CERS6: variants seen among roughly 807,000 people sequenced by gnomAD.
CERS6 encodes the protein LAG1 homolog, ceramide synthase 6.
A neutral mutation model predicts 56.8 loss-of-function variants in CERS6; 26 were observed. The observed-to-expected ratio is 0.46, with a 90% confidence interval of 0.34 to 0.63. CERS6 has a LOEUF of 0.63. CERS6 is among the 30% of genes least tolerant of loss of function. The pLI, the probability that CERS6 is intolerant of heterozygous loss-of-function variation, is 0.01. For missense variants in CERS6, 415 were observed against 467.5 expected (o/e 0.89, Z 1.04); for synonymous variants, 164 against 173.3 (o/e 0.95, Z 0.42).
At chr2:168,760,839 T>C (rs1432501773) in intron 8 of CERS6, among the ~76,000 whole-genome samples, 2 of 152,086 alleles carry the variant, frequency 1.3e-5, no homozygotes, top group Admixed American at 1.3e-4. Flanking sequence ...CACTGCAAGC[T>C]CCGCCTCCCG....
rs371715367 is a variant in CERS6, at chr2:168,695,014, C to G, written c.572C>G (p.Ser191Cys). The change falls in exon 6 of 10, where the codon TCT becomes TGT. Residue 191 changes from serine (S) to cysteine (C), a missense_variant. Coordinates refer to ENST00000305747, the MANE Select transcript of CERS6 (RefSeq NM_203463.3). ...YYILELSFYW[S>C]LMFSQFTDIK... ...ATCCTGGAGCTGTCGTTTTATTGGT[C>G]TTTGATGTTTTCTCAGTTCACTGAT... The G allele has an allele frequency of 1.9e-6, 3 of 1,613,242 alleles. No individual in the cohort carries two copies. The highest frequency in any genetic ancestry group is 2.5e-6 in the Non-Finnish European group (3 of 1,179,544).
At chr2:168,514,603 A>G (rs1485003032) in intron 1 of CERS6, among the ~76,000 whole-genome samples, 2 of 152,192 alleles carry the variant, frequency 1.3e-5, no homozygotes, top group Non-Finnish European at 2.9e-5. Context: ...TTGCTTGCCA[A>G]ATGTGCTCCT....
chr2:168,601,152 A>G (rs987712985), intron 3 of CERS6, among the ~76,000 whole-genome samples: 1 of 152,238 alleles, frequency 6.6e-6, no homozygotes, highest in African/African-American at 2.4e-5. Flanking sequence ...ACCATTTCAC[A>G]AAAGTAGATA....
chr2:168,661,284 A>T (rs1220895304), intron 4 of CERS6, among the ~76,000 whole-genome samples: 1 of 152,258 alleles, frequency 6.6e-6, no homozygotes, highest in Admixed American at 6.5e-5. Flanking sequence ...AAATGGAATG[A>T]AGATTAGGAA....
At chr2:168,657,147 G>C (rs1289040541) in intron 4 of CERS6, among the ~76,000 whole-genome samples, 3 of 152,120 alleles carry the variant, frequency 2.0e-5, no homozygotes, top group Non-Finnish European at 2.9e-5. Flanking sequence ...GATTGGTGCA[G>C]TCACAAACCT....
chr2:168,641,982 G>A (rs4313942), intron 4 of CERS6, among the ~76,000 whole-genome samples: 45,020 of 151,812 alleles, frequency 0.3, 8,203 homozygotes, highest in African/African-American at 0.5. Context: ...AATCAAGTAT[G>A]GTATAGTAAT....
intron 1 of CERS6, among the ~76,000 whole-genome samples, chr2:168,489,712 G>A (rs1694335245): frequency 6.6e-6 from 1 of 151,872 alleles, no homozygotes; most frequent in Admixed American, 6.6e-5. Context: ...TCCACAATAT[G>A]CACTTGTTTT....
At chr2:168,491,953 C>G (rs1021972679) in intron 1 of CERS6, among the ~76,000 whole-genome samples, 2 of 152,154 alleles carry the variant, frequency 1.3e-5, no homozygotes, top group African/African-American at 4.8e-5. Context: ...ATGAACTTAT[C>G]CTTTTTTATG....
In CERS6 at chr2:168,771,575, A is replaced by C. The variant is rs1432186247; in HGVS notation, c.*1913A>C. The C allele has an allele frequency of 2.6e-5, 4 of 152,252 alleles. No individual in the cohort carries two copies. Among genetic ancestry groups the C allele is most frequent in the African/African-American group, 9.6e-5 (4 of 41,476 alleles). The allele number at this position is 152,252 out of a possible 1,614,324, so 9.4% of individuals were successfully genotyped here. A position where few individuals can be genotyped will look rare whatever the true frequency, so the allele number is the denominator to read the frequency against. On this transcript the variant is annotated 3_prime_UTR_variant, in exon 10 of 10. Coordinates refer to ENST00000305747, the MANE Select transcript of CERS6 (RefSeq NM_203463.3). The stretch of plus-strand genomic sequence containing the variant: ...TTGTTAGTCTCCAGAACATCTGCTA[A>C]AATGCAAGTATATGTATAAGGTAAT...
At chr2:168,556,505 T>A (rs1221296878) in intron 2 of CERS6, among the ~76,000 whole-genome samples, 1 of 152,146 alleles carries the variant, frequency 6.6e-6, no homozygotes, top group South Asian at 2.1e-4. Context: ...CCCCTTACTT[T>A]CTATATCTAT....
intron 4 of CERS6, among the ~76,000 whole-genome samples, chr2:168,640,917 A>G (rs1243798173): frequency 6.6e-6 from 1 of 152,154 alleles, no homozygotes. Context: ...CCACTAACCC[A>G]TGTCTTGTCT....
At chr2:168,479,028 C>T (rs530358505) in intron 1 of CERS6, among the ~76,000 whole-genome samples, 2 of 152,254 alleles carry the variant, frequency 1.3e-5, no homozygotes, top group South Asian at 4.1e-4. Context: ...ATTTTGTTTT[C>T]TTCCCCCAGT....
intron 4 of CERS6, among the ~76,000 whole-genome samples, chr2:168,640,892 T>C (rs941615575): frequency 2.0e-5 from 3 of 152,166 alleles, no homozygotes; most frequent in African/African-American, 7.2e-5. Flanking sequence ...TCTCATCTTA[T>C]TAACTCATTC....
chr2:168,602,022 C>T (rs1020593917), intron 3 of CERS6, among the ~76,000 whole-genome samples: 8 of 152,108 alleles, frequency 5.3e-5, no homozygotes, highest in Non-Finnish European at 7.3e-5. Context: ...AAATCATAAA[C>T]ACCTTAAATG....
At chr2:168,458,105 A>G (rs968999792) in intron 1 of CERS6, among the ~76,000 whole-genome samples, 5 of 152,014 alleles carry the variant, frequency 3.3e-5, no homozygotes, top group African/African-American at 1.2e-4. Context: ...GAAAATATGA[A>G]CTCTATACAG....
At chr2:168,651,654 A>G (rs1238771285) in intron 4 of CERS6, among the ~76,000 whole-genome samples, 1 of 152,192 alleles carries the variant, frequency 6.6e-6, no homozygotes. Context: ...TTGAAGCATC[A>G]GATCTCATGA....
intron 3 of CERS6, among the ~76,000 whole-genome samples, chr2:168,613,781 A>G (rs1418301710): frequency 3.3e-5 from 5 of 152,230 alleles, no homozygotes; most frequent in East Asian, 1.9e-4. Flanking sequence ...AATAGTGGCT[A>G]GGACCAGAAA....
intron 1 of CERS6, among the ~76,000 whole-genome samples, chr2:168,510,093 T>TAAAAA (rs10629640): frequency 1.4e-4 from 19 of 139,966 alleles, no homozygotes; most frequent in African/African-American, 4.4e-4. Context: ...TAATAATTGG[T>TAAAAA]AAAAAAAAAA....
intron 1 of CERS6, among the ~76,000 whole-genome samples, chr2:168,484,270 C>T (rs1312693244): frequency 6.9e-6 from 1 of 144,044 alleles, no homozygotes; most frequent in Non-Finnish European, 1.5e-5. Flanking sequence ...CAGCCTCCAC[C>T]TCCCGGGTTC....
Sources: allele counts gnomAD v4.1 joint callset (sites outside exome capture counted in the v4.1 genomes callset), GRCh38; gene constraint gnomAD v4.1.1; transcripts MANE v1.5; gene names NCBI Gene and HGNC (gene_info 2026-07-23, HGNC 2026-07-21).